IPO5: variants seen among roughly 807,000 people sequenced by gnomAD.
IPO5 encodes the protein importin-5.
IPO5 carries 18 observed loss-of-function variants against 143.3 expected under a neutral mutation model. The observed-to-expected ratio is 0.13, with a 90% CI of 0.09 to 0.19. The LOEUF (loss-of-function observed/expected upper bound fraction) is 0.19, where lower values mean the gene tolerates loss of function less well. Ranked by LOEUF, IPO5 falls within the 10% of genes least tolerant of loss-of-function variation. IPO5 has a pLI of 1.00. For synonymous variants in IPO5, 477 were observed against 465.7 expected (o/e 1.02, Z -0.31); for missense variants, 1,013 against 1,336.9 (o/e 0.76, Z 3.78).
At chr13:97,987,246 C>G (rs1887439329) in intron 6 of IPO5, 1 of 150,964 alleles carries the variant, frequency 6.6e-6, no homozygotes, top group South Asian at 2.1e-4. Context: ...GAGAGTGTAG[C>G]CACCACTTTT....
chr13:97,972,867 C>T (rs901910917), intron 3 of IPO5, among the ~76,000 whole-genome samples: 3 of 150,474 alleles, frequency 2.0e-5, no homozygotes, highest in African/African-American at 4.8e-5. Context: ...TGAGGCTTAG[C>T]GACATTAAGC....
At chr13:98,010,056 CTT>C (rs1287281849) in intron 19 of IPO5, 43 bp downstream of exon 19, 6 of 1,613,372 alleles carry the variant, frequency 3.7e-6, no homozygotes, top group South Asian at 2.2e-5. Context: ...ATAGTTCTCT[CTT>C]TGTTATTATT....
At chr13:98,010,755 A>G (rs1229820397) in intron 20 of IPO5, among the ~76,000 whole-genome samples, 1 of 135,970 alleles carries the variant, frequency 7.4e-6, no homozygotes, top group African/African-American at 2.9e-5. Context: ...CTTTATGAGC[A>G]TGCGTTTTAA....
chr13:97,976,799 G>T lies in IPO5; in HGVS notation c.90+13G>T, dbSNP rs766282403. ...GAAACAGGCAGAGGTAACCGAGTTC[G>T]CCGCCCCAGTCTTCGCGCCCTGGCC... On this transcript the variant is annotated intron_variant, in intron 4 of 28. Coordinates refer to ENST00000651721, the MANE Select transcript of IPO5 (RefSeq NM_002271.6). The T allele has an allele frequency of 1.6e-6, 2 of 1,266,084 alleles. No individual in the cohort carries two copies. Among genetic ancestry groups the T allele is most frequent in the Admixed American group, 4.6e-5 (2 of 43,614 alleles). 78.4% of individuals were successfully genotyped at this position (1,266,084 alleles called of 1,614,324 possible).
At chr13:97,981,830 T>TA (rs952076932) in intron 4 of IPO5, among the ~76,000 whole-genome samples, 2 of 152,246 alleles carry the variant, frequency 1.3e-5, no homozygotes, top group Non-Finnish European at 2.9e-5. Context: ...GTCAACTTTT[T>TA]ATTGTTAACC....
intron 5 of IPO5, among the ~76,000 whole-genome samples, chr13:97,983,623 G>A (rs1234641160): frequency 7.4e-6 from 1 of 135,194 alleles, no homozygotes; most frequent in African/African-American, 2.8e-5. Context: ...CTTTGGAAAA[G>A]GTATAAAAAT....
chr13:97,977,051 C>T (rs1886418986), intron 4 of IPO5: 2 of 195,752 alleles, frequency 1.0e-5, no homozygotes, highest in Non-Finnish European at 2.2e-5. Context: ...GACGCGCCCC[C>T]GTCCAGGTGT....
intron 9 of IPO5, among the ~76,000 whole-genome samples, chr13:97,991,708 T>C (rs1354779430): frequency 1.3e-5 from 2 of 152,218 alleles, no homozygotes; most frequent in Non-Finnish European, 2.9e-5. Flanking sequence ...TATGTATCCA[T>C]TCTTGATTGA....
intron 9 of IPO5, among the ~76,000 whole-genome samples, 180 bp downstream of exon 9, chr13:97,990,717 T>G (rs893733755): frequency 1.3e-5 from 2 of 152,190 alleles, no homozygotes; most frequent in Non-Finnish European, 2.9e-5. Context: ...TGAAAGACAT[T>G]TTTAGTCTCT....
intron 25 of IPO5, among the ~76,000 whole-genome samples, chr13:98,017,630 C>G (rs1005680109): frequency 6.6e-6 from 1 of 151,606 alleles, no homozygotes; most frequent in African/African-American, 2.4e-5. Context: ...GTTTTAGATT[C>G]ACAACCAAAT....
At chr13:97,974,209 A>G (rs1222917354) in intron 3 of IPO5, among the ~76,000 whole-genome samples, 1 of 152,226 alleles carries the variant, frequency 6.6e-6, no homozygotes, top group Non-Finnish European at 1.5e-5. Context: ...GGTGTTAAAA[A>G]GTAACTGGAG....
chr13:97,992,478 AG>A (rs1433271517), intron 9 of IPO5, among the ~76,000 whole-genome samples: 1 of 152,190 alleles, frequency 6.6e-6, no homozygotes, highest in Non-Finnish European at 1.5e-5. Context: ...CAGGAGTCTG[AG>A]GCACAAGAGT....
chr13:97,996,148 C>T (rs1888266615), intron 11 of IPO5, among the ~76,000 whole-genome samples: 1 of 152,106 alleles, frequency 6.6e-6, no homozygotes, highest in South Asian at 2.1e-4. Context: ...AGTGCAGTGA[C>T]ATGATCTCAG....
Position 98,010,307 on chromosome 13 carries a change from A to G in IPO5, c.2055+83A>G, listed in dbSNP as rs897309375. The G allele has an allele frequency of 2.5e-5, 32 of 1,284,966 alleles. No homozygotes were observed. The African/African-American group carries it at 4.0e-4, about 16-fold the overall frequency. The allele number at this position is 1,284,966 out of a possible 1,614,324, so 79.6% of individuals were successfully genotyped here. A position where few individuals can be genotyped will look rare whatever the true frequency, so the allele number is the denominator to read the frequency against. On this transcript the variant is annotated intron_variant, in intron 20 of 28. Transcript: ENST00000651721. ...GAGTGCTTTTAATAGCTGCTAAAGA[A>G]ATTACTTTGGAGAGCCAGTAATATG...
intron 11 of IPO5, 119 bp from the exon 12 acceptor site, chr13:97,997,411 AT>A: frequency 2.1e-6 from 1 of 477,998 alleles, no homozygotes; most frequent in Non-Finnish European, 3.7e-6. Context: ...GCACAGACAA[AT>A]AATTGTTTTG....
chr13:98,020,909 A>T, intron 27 of IPO5, 83 bp from the exon 28 acceptor site: 1 of 1,090,764 alleles, frequency 9.2e-7, no homozygotes, highest in Non-Finnish European at 1.4e-6. Context: ...TACTGAATTT[A>T]AAAGGCCATT....
chr13:97,997,189 G>C (rs888854820), intron 11 of IPO5, among the ~76,000 whole-genome samples: 2 of 152,140 alleles, frequency 1.3e-5, no homozygotes, highest in African/African-American at 4.8e-5. Flanking sequence ...CTATAATTTT[G>C]TATAGAGATA....
At chr13:97,997,452 T>G in intron 11 of IPO5, 79 bp from the exon 12 acceptor site, 1 of 746,256 alleles carries the variant, frequency 1.3e-6, no homozygotes, top group African/African-American at 1.8e-5. Flanking sequence ...AAGTAAAATC[T>G]TAAAATTCTT....
intron 17 of IPO5, chr13:98,007,390 T>C (rs1243858805): frequency 2.0e-5 from 3 of 152,260 alleles, no homozygotes; most frequent in South Asian, 2.1e-4. Context: ...CCAAGGACCA[T>C]TGGCCAGTGT....
Sources: gnomAD v4.1 joint callset for allele counts (sites outside exome capture counted in the v4.1 genomes callset) on GRCh38, gnomAD v4.1.1 for gene constraint, MANE v1.5 for transcripts, NCBI Gene and HGNC (gene_info 2026-07-23, HGNC 2026-07-21) for gene names.